The following ABI3BP variants were observed in gnomAD, a reference collection of about 807,000 sequenced individuals.
ABI3BP encodes ABI family member 3 binding protein, also known as target of Nesh-SH3.
Under a neutral mutation model 268.6 loss-of-function variants are expected in ABI3BP, and 216 were observed. The observed-to-expected ratio is 0.80, with a 90% CI of 0.72 to 0.90. ABI3BP has a LOEUF of 0.90. Among genes scored for constraint, ABI3BP ranks in the 40% least tolerant of loss-of-function variants. The probability of loss-of-function intolerance (pLI) is 0.00; values close to 1 mark genes in which losing one functional copy is unlikely to be tolerated. For missense variants in ABI3BP, 2,090 were observed against 2,182.4 expected (o/e 0.96, Z 0.84); for synonymous variants, 730 against 730.0 (o/e 1.00, Z 0.00).
intron 1 of ABI3BP, among the ~76,000 whole-genome samples, chr3:100,927,800 T>G (rs1479447315): frequency 6.6e-6 from 1 of 152,092 alleles, no homozygotes; most frequent in South Asian, 2.1e-4. Context: ...AATGGGGACA[T>G]AGAGCCAAAT....
intron 2 of ABI3BP, among the ~76,000 whole-genome samples, chr3:100,903,016 C>T (rs2051221913): frequency 1.3e-5 from 2 of 152,164 alleles, no homozygotes; most frequent in Non-Finnish European, 2.9e-5. Flanking sequence ...TATGTCCATT[C>T]TGTTACCCCA....
intron 27 of ABI3BP, among the ~76,000 whole-genome samples, chr3:100,836,752 T>A (rs928628376): frequency 1.3e-5 from 2 of 152,164 alleles, no homozygotes; most frequent in Non-Finnish European, 2.9e-5. Context: ...TATAAACACA[T>A]TGAGGACAAA....
chr3:100,940,173 GGCGACATACATCTTCCTCA>G (rs1464962703), intron 1 of ABI3BP, among the ~76,000 whole-genome samples: 3 of 151,892 alleles, frequency 2.0e-5, no homozygotes, highest in South Asian at 2.1e-4. Context: ...ATGGTCCTGA[GGCGACATACATCTTCCTCA>G]GCTGACAGGA....
chr3:100,825,776 G>C lies in ABI3BP; in HGVS notation c.2662+9C>G, dbSNP rs779851443. The C allele has an allele frequency of 3.3e-6, 5 of 1,533,078 alleles. No homozygotes were observed. Among genetic ancestry groups the C allele is most frequent in the African/African-American group, 1.4e-5 (1 of 73,070 alleles). The allele number at this position is 1,533,078 out of a possible 1,614,324, so 95.0% of individuals were successfully genotyped here. ...TTGGCAAACAGCCAGGTAATTGTAG[G>C]GTCGTTACCTAAGGTTGTTGCAGGG... On this transcript the variant is annotated intron_variant, in intron 35 of 67. Coordinates refer to ENST00000471714, the MANE Select transcript of ABI3BP (RefSeq NM_001375547.2).
chr3:100,751,180 T>C (rs1468772336), intron 67 of ABI3BP, among the ~76,000 whole-genome samples: 1 of 152,178 alleles, frequency 6.6e-6, no homozygotes, highest in Non-Finnish European at 1.5e-5. Context: ...AAGTACTATT[T>C]TTTCCATTTA....
chr3:100,788,277 C>T (rs983509307), intron 56 of ABI3BP, among the ~76,000 whole-genome samples: 3 of 152,092 alleles, frequency 2.0e-5, no homozygotes, highest in African/African-American at 7.2e-5. Context: ...TCACAAAGTC[C>T]ATTGCCAAGC....
intron 4 of ABI3BP, 131 bp from the exon 5 acceptor site, chr3:100,886,454 TA>T: frequency 6.5e-6 from 4 of 618,002 alleles, no homozygotes; most frequent in Non-Finnish European, 9.7e-6. Context: ...TTCCGATTTT[TA>T]AAAAATTTGC....
rs540070956 is a variant in ABI3BP, at chr3:100,906,377, C to T, written c.260-3691G>A. ...TGGGTGCATGTGTTGGCTCTTACTG[C>T]TCATTAAATATTTCCAACATACACA... On this transcript the variant is annotated intron_variant, in intron 2 of 67. Transcript: ENST00000471714. 3.9e-5 allele frequency among the ~76,000 whole-genome samples: 6 copies of T among 152,256 alleles called. No homozygotes were observed. In the South Asian group the frequency reaches 6.2e-4, roughly 16 times the overall value.
intron 57 of ABI3BP, among the ~76,000 whole-genome samples, chr3:100,785,442 T>G (rs980704238): frequency 6.6e-6 from 1 of 152,166 alleles, no homozygotes; most frequent in Middle Eastern, 3.2e-3. Context: ...TTTTTAAACA[T>G]TTTTTCCTCA....
chr3:100,825,967 C>A lies in ABI3BP; in HGVS notation c.2603-123G>T, dbSNP rs941266420. ...GATAATTAAACATTTCTGGGAAGGG[C>A]ATTAGGACTGAATTATATTTCCACC... On this transcript the variant is annotated intron_variant, in intron 34 of 67. Coordinates refer to ENST00000471714, the MANE Select transcript of ABI3BP (RefSeq NM_001375547.2). 2.1e-5 allele frequency: 15 copies of A among 729,726 alleles called. No individual in the cohort carries two copies. In the African/African-American group the frequency reaches 2.5e-4, roughly 12 times the overall value. 45.2% of individuals were successfully genotyped at this position (729,726 alleles called of 1,614,324 possible). A position where few individuals can be genotyped will look rare whatever the true frequency, so the allele number is the denominator to read the frequency against.
intron 15 of ABI3BP, 120 bp downstream of exon 15, chr3:100,851,755 A>G: frequency 1.3e-6 from 1 of 778,638 alleles, no homozygotes; most frequent in South Asian, 1.9e-5. Context: ...ACACAGGTAG[A>G]AATTTCTCCC....
At chr3:100,875,372 G>A (rs1190007496) in intron 8 of ABI3BP, 136 bp downstream of exon 8, 1 of 674,646 alleles carries the variant, frequency 1.5e-6, no homozygotes, top group African/African-American at 1.8e-5. Flanking sequence ...ACACGAGCCA[G>A]GATGCTAAAC....
intron 39 of ABI3BP, among the ~76,000 whole-genome samples, 199 bp from the exon 40 acceptor site, chr3:100,820,502 T>C (rs929708937): frequency 3.3e-5 from 5 of 152,116 alleles, no homozygotes; most frequent in Admixed American, 2.0e-4. Context: ...CATTCTAAAA[T>C]GAAATTGCTA....
chr3:100,774,078 A>G (rs1484730784), intron 61 of ABI3BP, among the ~76,000 whole-genome samples: 2 of 152,178 alleles, frequency 1.3e-5, no homozygotes, highest in Admixed American at 6.5e-5. Context: ...CATTTCAGAA[A>G]AAAAAGGGCT....
intron 17 of ABI3BP, 89 bp from the exon 18 acceptor site, chr3:100,848,964 A>C: frequency 9.7e-7 from 1 of 1,028,538 alleles, no homozygotes; most frequent in Non-Finnish European, 1.5e-6. Flanking sequence ...TCCAAGTACA[A>C]GAACTGCTTT....
intron 14 of ABI3BP, among the ~76,000 whole-genome samples, chr3:100,858,620 C>A (rs749743110): frequency 2.6e-5 from 4 of 152,100 alleles, no homozygotes; most frequent in Non-Finnish European, 4.4e-5. Flanking sequence ...ATAAACTTTA[C>A]AAAAAGTACG....
intron 66 of ABI3BP, chr3:100,752,429 A>G: frequency 5.5e-6 from 1 of 181,020 alleles, no homozygotes; most frequent in Non-Finnish European, 1.2e-5. Context: ...CATCTTGAAG[A>G]TGTTATATTC....
intron 2 of ABI3BP, 102 bp downstream of exon 2, chr3:100,926,200 G>A (rs921745891): frequency 8.3e-7 from 1 of 1,203,626 alleles, no homozygotes; most frequent in African/African-American, 1.5e-5. Context: ...TTAAGCTAAG[G>A]ATGTAGAAAA....
chr3:100,876,418 T>C, intron 7 of ABI3BP, 94 bp downstream of exon 7: 1 of 1,184,782 alleles, frequency 8.4e-7, no homozygotes, highest in Admixed American at 2.4e-5. Flanking sequence ...AAAAATCAAT[T>C]AAAAAATCGA....
Sources: allele counts gnomAD v4.1 joint callset (sites outside exome capture counted in the v4.1 genomes callset), GRCh38; gene constraint gnomAD v4.1.1; transcripts MANE v1.5; gene names NCBI Gene and HGNC (gene_info 2026-07-23, HGNC 2026-07-21).